The following PPARGC1A variants were observed in gnomAD, a reference collection of about 807,000 sequenced individuals.
PPARGC1A encodes peroxisome proliferator-activated receptor gamma coactivator 1-alpha.
In PPARGC1A, 25 loss-of-function variants were observed where a neutral mutation model predicts 88.7. That is an observed-to-expected ratio of 0.28 (90% CI 0.21 to 0.39). The LOEUF is 0.39. PPARGC1A is among the 10% of genes least tolerant of loss of function. PPARGC1A has a pLI of 1.00. For missense variants in PPARGC1A, 880 were observed against 968.7 expected (o/e 0.91, Z 1.22); for synonymous variants, 363 against 355.6 (o/e 1.02, Z -0.24).
the PPARGC1A span, among the ~76,000 whole-genome samples, chr4:24,058,475 A>G: frequency 1.3e-5 from 2 of 152,066 alleles, no homozygotes; most frequent in African/African-American, 4.8e-5. Context: ...CCGCCTACAC[A>G]CTCACAAACA....
At chr4:24,452,881 G>T in the PPARGC1A span, among the ~76,000 whole-genome samples, 1 of 152,272 alleles carries the variant, frequency 6.6e-6, no homozygotes, top group African/African-American at 2.4e-5. Context: ...GCAAATGACG[G>T]GGGTGTAAGG....
the PPARGC1A span, among the ~76,000 whole-genome samples, chr4:24,374,778 A>G: frequency 2.6e-5 from 4 of 152,142 alleles, no homozygotes; most frequent in Non-Finnish European, 5.9e-5. Context: ...TGAAACCCTC[A>G]TACCATGATG....
At chr4:24,334,982 T>C in the PPARGC1A span, among the ~76,000 whole-genome samples, 391 of 152,308 alleles carry the variant, frequency 2.6e-3, 1 homozygote, top group African/African-American at 9.0e-3. Context: ...AATATTAGTT[T>C]CAAGAATAAG....
At chr4:24,215,642 A>G in the PPARGC1A span, among the ~76,000 whole-genome samples, 16 of 152,338 alleles carry the variant, frequency 1.1e-4, no homozygotes, top group African/African-American at 3.8e-4. Context: ...AACCAAACTT[A>G]GAAAGGTTTG....
the PPARGC1A span, among the ~76,000 whole-genome samples, chr4:24,225,038 G>C: frequency 1.3e-5 from 2 of 152,148 alleles, no homozygotes; most frequent in African/African-American, 4.8e-5. Flanking sequence ...CACAGAGAGG[G>C]AGGGGCTGGG....
intron 7 of PPARGC1A, among the ~76,000 whole-genome samples, chr4:23,822,552 C>A (rs566954216): frequency 2.0e-5 from 3 of 152,058 alleles, no homozygotes; most frequent in Non-Finnish European, 4.4e-5. Context: ...TTTGATAACT[C>A]TTTTTCTCCC....
the PPARGC1A span, among the ~76,000 whole-genome samples, chr4:24,119,945 A>G: frequency 6.6e-6 from 1 of 152,168 alleles, no homozygotes. Context: ...CTTAAGTTAC[A>G]AATATCCCTG....
chr4:23,909,537 A>G, the PPARGC1A span, among the ~76,000 whole-genome samples: 1 of 151,238 alleles, frequency 6.6e-6, no homozygotes, highest in South Asian at 2.1e-4. Context: ...ACTTGGCTGG[A>G]GAAGAACACA....
At chr4:24,104,938 T>G in the PPARGC1A span, among the ~76,000 whole-genome samples, 5 of 152,208 alleles carry the variant, frequency 3.3e-5, no homozygotes, top group African/African-American at 1.2e-4. Flanking sequence ...AGCCTCAATT[T>G]CATCATCTGG....
chr4:23,842,811 G>A (rs1442060974), intron 2 of PPARGC1A, among the ~76,000 whole-genome samples: 1 of 152,144 alleles, frequency 6.6e-6, no homozygotes, highest in Non-Finnish European at 1.5e-5. Flanking sequence ...AATCAGGCAA[G>A]TTTGGGTAAT....
the PPARGC1A span, among the ~76,000 whole-genome samples, chr4:24,090,392 A>G: frequency 6.6e-6 from 1 of 152,196 alleles, no homozygotes; most frequent in African/African-American, 2.4e-5. Context: ...ATCACATTGC[A>G]TACAACAAAA....
the PPARGC1A span, among the ~76,000 whole-genome samples, chr4:24,029,780 A>AG: frequency 6.6e-6 from 1 of 152,044 alleles, no homozygotes; most frequent in Non-Finnish European, 1.5e-5. Context: ...GTAAAACCAC[A>AG]GGAAAAAAAA....
the PPARGC1A span, among the ~76,000 whole-genome samples, chr4:24,339,598 C>A: frequency 6.4e-4 from 97 of 152,294 alleles, 1 homozygote; most frequent in Middle Eastern, 6.8e-3. Context: ...TACTATGGAG[C>A]ACCCTCCAAT....
At chr4:24,020,752 A>ATT in the PPARGC1A span, among the ~76,000 whole-genome samples, 2 of 152,024 alleles carry the variant, frequency 1.3e-5, no homozygotes, top group African/African-American at 4.8e-5. Flanking sequence ...CCGGAGCTCA[A>ATT]TTTCTCACAC....
At chr4:23,990,278 A>G in the PPARGC1A span, among the ~76,000 whole-genome samples, 1 of 151,054 alleles carries the variant, frequency 6.6e-6, no homozygotes, top group Non-Finnish European at 1.5e-5. Context: ...TTTACAAGGT[A>G]CTCTGAAGGC....
the PPARGC1A span, among the ~76,000 whole-genome samples, chr4:23,953,692 A>G: frequency 1.3e-5 from 2 of 152,052 alleles, no homozygotes; most frequent in African/African-American, 4.8e-5. Context: ...TTTCAGAACC[A>G]TGTCATTACT....
At chr4:24,306,575 C>T in the PPARGC1A span, among the ~76,000 whole-genome samples, 1 of 152,222 alleles carries the variant, frequency 6.6e-6, no homozygotes, top group Non-Finnish European at 1.5e-5. Context: ...GGATGGCAAA[C>T]TTGGTGATAT....
At chr4:23,808,123 T>C (rs1401498206) in intron 10 of PPARGC1A, among the ~76,000 whole-genome samples, 1 of 151,774 alleles carries the variant, frequency 6.6e-6, no homozygotes, top group African/African-American at 2.4e-5. Context: ...TGGTGGTGGA[T>C]ACCTGTAGTC....
chr4:24,360,481 A>T, the PPARGC1A span, among the ~76,000 whole-genome samples: 1 of 152,098 alleles, frequency 6.6e-6, no homozygotes, highest in East Asian at 1.9e-4. Flanking sequence ...TTCAACCTTC[A>T]TCACCATCAC....
Sources: gnomAD v4.1 joint callset for allele counts (sites outside exome capture counted in the v4.1 genomes callset) on GRCh38, gnomAD v4.1.1 for gene constraint, MANE v1.5 for transcripts, NCBI Gene and HGNC (gene_info 2026-07-23, HGNC 2026-07-21) for gene names.